The following GNL3L variants were observed in gnomAD, a reference collection of about 807,000 sequenced individuals.
The protein encoded by GNL3L is G protein nucleolar 3 like, also known as guanine nucleotide-binding protein-like 3-like protein.
A neutral mutation model predicts 42.9 loss-of-function variants in GNL3L; 4 were observed. The observed-to-expected ratio is 0.09, with a 90% CI of 0.05 to 0.21. The LOEUF (loss-of-function observed/expected upper bound fraction) is 0.21, where lower values mean the gene tolerates loss of function less well. GNL3L is among the 10% of genes least tolerant of loss of function. The pLI, the probability that GNL3L is intolerant of heterozygous loss-of-function variation, is 1.00. For missense variants in GNL3L, 412 were observed against 481.7 expected (o/e 0.86, Z 1.36); for synonymous variants, 159 against 176.3 (o/e 0.90, Z 0.78).
downstream of GNL3L, among the ~76,000 whole-genome samples, chrX:54,624,756 G>C (rs1926335615): frequency 9.0e-6 from 1 of 111,150 alleles, no homozygotes; most frequent in African/African-American, 3.3e-5. Flanking sequence ...GATTTCTTCT[G>C]AGGCTTCTCT....
the GNL3L span, among the ~76,000 whole-genome samples, chrX:54,639,719 T>C: frequency 8.9e-6 from 1 of 111,822 alleles, no homozygotes; most frequent in East Asian, 2.8e-4. Flanking sequence ...AGCCCGAAGC[T>C]ACGCCCGCCT....
chrX:54,551,537 T>C (rs781285717), intron 10 of GNL3L, 31 bp from the exon 11 acceptor site: 1 of 1,186,096 alleles, frequency 8.4e-7, no homozygotes, highest in East Asian at 3.0e-5. Context: ...CGATGCCAGG[T>C]ACATCTGGGC....
chrX:54,552,407 G>A lies in GNL3L; in HGVS notation c.1297G>A (p.Ala433Thr), dbSNP rs769996013. 14 of 1,208,890 alleles carry A rather than the reference G, an allele frequency of 1.2e-5. No homozygotes were observed. The East Asian group carries it at 2.4e-4, about 20-fold the overall frequency. ...EVFDIEDTEQ[A>T]NEDTMECLAT... ...CTTTGACATCGAGGATACTGAGCAG[G>A]CCAATGAAGACACCATGGAATGTAA... Residue 433 changes from alanine (A) to threonine (T), a missense_variant, in exon 13 of 16, where the codon GCC becomes ACC. Coordinates refer to ENST00000360845, the MANE Select transcript of GNL3L (RefSeq NM_001184819.2).
chrX:54,530,748 G>A (rs773951763), intron 1 of GNL3L, among the ~76,000 whole-genome samples: 1 of 112,143 alleles, frequency 8.9e-6, no homozygotes, highest in Admixed American at 9.4e-5. Context: ...GCTGAGCAGC[G>A]CAGACTTCTC....
chrX:54,556,935 C>T (rs1224580368), intron 14 of GNL3L, among the ~76,000 whole-genome samples: 2 of 110,983 alleles, frequency 1.8e-5, no homozygotes, highest in Admixed American at 9.6e-5. Flanking sequence ...AATCCCAGCA[C>T]TTTGGGAAGC....
intron 16 of GNL3L, among the ~76,000 whole-genome samples, chrX:54,607,212 C>G (rs2147531986): frequency 1.1e-5 from 1 of 94,969 alleles, no homozygotes; most frequent in African/African-American, 3.9e-5. Context: ...GTGCTTGGAA[C>G]CTACCCAAAG....
chrX:54,607,082 CTTCTTTCTTTCTTTCTT>C (rs1926098817), intron 16 of GNL3L, among the ~76,000 whole-genome samples: 262 of 22,019 alleles, frequency 0.012, 2 homozygotes, highest in Non-Finnish European at 0.021. Flanking sequence ...CTCTTTCTTT[CTTCTTTCTTTCTTTCTT>C]TCTTTCTTTC....
chrX:54,590,486 A>G (rs766175549), intron 16 of GNL3L, among the ~76,000 whole-genome samples: 1 of 111,776 alleles, frequency 8.9e-6, no homozygotes, highest in South Asian at 3.7e-4. Flanking sequence ...CATTGATGAA[A>G]GAGTTGTTTG....
At chrX:54,576,574 G>A (rs1176463908) in intron 16 of GNL3L, among the ~76,000 whole-genome samples, 1 of 110,472 alleles carries the variant, frequency 9.1e-6, no homozygotes, top group Admixed American at 9.7e-5. Flanking sequence ...CTGCCTCCTG[G>A]GTTCTAGCAA....
At chrX:54,642,045 C>T in the GNL3L span, among the ~76,000 whole-genome samples, 3 of 112,148 alleles carry the variant, frequency 2.7e-5, no homozygotes. Context: ...ATCTGTACTT[C>T]ACTTCCTGCC....
At chrX:54,625,468 T>C (rs1404415484), downstream of GNL3L, among the ~76,000 whole-genome samples, 1 of 110,587 alleles carries the variant, frequency 9.0e-6, no homozygotes, top group Non-Finnish European at 1.9e-5. Context: ...GTGTATTATA[T>C]TGTTTGATTT....
intron 7 of GNL3L, 60 bp downstream of exon 7, chrX:54,543,402 A>C: frequency 6.3e-6 from 7 of 1,104,703 alleles, no homozygotes; most frequent in Non-Finnish European, 7.5e-6. Flanking sequence ...TTTAACGTCT[A>C]GCTTGGACCA....
At chrX:54,641,849 G>C in the GNL3L span, among the ~76,000 whole-genome samples, 1 of 111,785 alleles carries the variant, frequency 8.9e-6, no homozygotes, top group Admixed American at 9.5e-5. Context: ...TTATGAATCA[G>C]GTCAAGTGCC....
chrX:54,630,740 C>CTTTCTTTCTTTCTTTA, the GNL3L span, among the ~76,000 whole-genome samples: 1 of 32,686 alleles, frequency 3.1e-5, no homozygotes, highest in African/African-American at 1.9e-4. Flanking sequence ...TTCTTTCTTT[C>CTTTCTTTCTTTCTTTA]TCTTTCTTTC....
At position 54,620,834 on chromosome X, in the gene GNL3L, C is replaced by T. The variant is rs191176174; in HGVS notation, c.*46-11C>T. Among the ~76,000 whole-genome samples, 651 of 112,062 alleles carry T rather than the reference C, an allele frequency of 5.8e-3. 6 individuals are homozygous for T. The highest frequency in any genetic ancestry group is 0.02 in the African/African-American group (630 of 30,876). ...GTCTTTTGGTTAAAAGCCTGTCTGCCTTTTTTGTAGGTGAGCTTCCTCATG... is the reference window on the plus strand; with the variant it reads ...GTCTTTTGGTTAAAAGCCTGTCTGCTTTTTTTGTAGGTGAGCTTCCTCATG... On this transcript the variant is annotated splice_polypyrimidine_tract_variant and intron_variant, in intron 16 of 16. Transcript: ENST00000674498.
At chrX:54,556,018 C>T (rs937943883) in intron 14 of GNL3L, among the ~76,000 whole-genome samples, 9 of 110,482 alleles carry the variant, frequency 8.1e-5, no homozygotes, top group Admixed American at 9.7e-5. Flanking sequence ...CACAGACATC[C>T]GCACTGTGAT....
rs868656602 is a variant in GNL3L, at chrX:54,540,254, G to C, written c.189+12G>C. ...TAAAGAAGAAGTGGGTAAGCTTTTT[G>C]CCTTGGTGGGGAGAGAGAGGGCCTG... On this transcript the variant is annotated intron_variant, in intron 4 of 15. Coordinates refer to ENST00000360845, the MANE Select transcript of GNL3L (RefSeq NM_001184819.2). 5.6e-6 allele frequency: 6 copies of C among 1,078,962 alleles called. No individual in the cohort carries two copies. In the African/African-American group the frequency reaches 9.1e-5, roughly 16 times the overall value. The allele number at this position is 1,078,962 out of a possible 1,213,427, so 88.9% of individuals were successfully genotyped here.
rs201111504 is a variant in GNL3L, at chrX:54,554,655, T to C, written c.1409T>C (p.Ile470Thr). The C allele has an allele frequency of 1.2e-5, 14 of 1,204,693 alleles. No individual in the cohort carries two copies. Among genetic ancestry groups the C allele is most frequent in the Middle Eastern group, 2.3e-4 (1 of 4,342 alleles). ...TTGCTCCATTCTCCGATGACGAAAA[T>C]AGCAGATGCCATTGAAAATAAAACC... ...IKLLHSPMTK[I>T]ADAIENKTTV... The change falls in exon 14 of 16, where the codon ATA becomes ACA. Residue 470 changes from isoleucine to threonine, a missense_variant. By Grantham distance (89) the Ile-to-Thr change is moderately conservative. Coordinates refer to ENST00000360845, the MANE Select transcript of GNL3L (RefSeq NM_001184819.2).
intron 14 of GNL3L, among the ~76,000 whole-genome samples, chrX:54,556,977 TCGA>T (rs1355697176): frequency 9.1e-6 from 1 of 110,282 alleles, no homozygotes; most frequent in Non-Finnish European, 1.9e-5. Flanking sequence ...GGTCAGGAGT[TCGA>T]GGCCAGCCTG....
Sources: gnomAD v4.1 joint callset for allele counts (sites outside exome capture counted in the v4.1 genomes callset) on GRCh38, gnomAD v4.1.1 for gene constraint, MANE v1.5 for transcripts, NCBI Gene and HGNC (gene_info 2026-07-23, HGNC 2026-07-21) for gene names.